Variants in ANKMY1 observed in about 807,000 individuals in gnomAD.
ANKMY1 encodes the protein ankyrin repeat and MYND domain-containing protein 1.
A neutral mutation model predicts 102.0 loss-of-function variants in ANKMY1; 98 were observed. The observed-to-expected ratio is 0.96, with a 90% CI of 0.82 to 1.14. ANKMY1 has a LOEUF of 1.14. Ranked by LOEUF, ANKMY1 falls within the 50% of genes most tolerant of loss-of-function variation. The pLI is 0.00. For missense variants in ANKMY1, 1,330 were observed against 1,347.6 expected, an observed-to-expected ratio of 0.99 and a Z score of 0.20; for synonymous variants, 582 against 559.9, an observed-to-expected ratio of 1.04 and a Z score of -0.56.
At chr2:240,496,397 T>C (rs1559249439) in intron 15 of ANKMY1, among the ~76,000 whole-genome samples, 1 of 151,058 alleles carries the variant, frequency 6.6e-6, no homozygotes, top group Admixed American at 6.6e-5. Context: ...GATAGATAGA[T>C]AGATAGATAG....
chr2:240,549,166 G>C (rs1194111755), intron 4 of ANKMY1, among the ~76,000 whole-genome samples: 1 of 151,564 alleles, frequency 6.6e-6, no homozygotes, highest in African/African-American at 2.4e-5. Context: ...CCAAAACAGA[G>C]ATATAGATCA....
chr2:240,553,108 G>A lies in ANKMY1; in HGVS notation c.337-51C>T, dbSNP rs374198874. Reference sequence around the variant, plus strand: ...AATTGCTGCTCTTCCAGAACCTGACGGGATGCCCTTGAGGCTGAGCCACCA... The same window carrying A: ...AATTGCTGCTCTTCCAGAACCTGACAGGATGCCCTTGAGGCTGAGCCACCA... On this transcript the variant is annotated intron_variant, in intron 3 of 17. Coordinates refer to ENST00000401804, the MANE Select transcript of ANKMY1 (RefSeq NM_001282771.3). The A allele has an allele frequency of 2.7e-5, 43 of 1,596,070 alleles. No individual in the cohort carries two copies. In the Middle Eastern group the frequency reaches 5.0e-4, roughly 19 times the overall value.
chr2:240,494,921 C>A (rs1174314569), intron 15 of ANKMY1, among the ~76,000 whole-genome samples: 1 of 151,966 alleles, frequency 6.6e-6, no homozygotes, highest in African/African-American at 2.4e-5. Context: ...ATACTAGATA[C>A]AGATCATAGA....
chr2:240,480,822 C>G (rs2075291981), intron 17 of ANKMY1, 115 bp downstream of exon 17: 1 of 1,399,528 alleles, frequency 7.1e-7, no homozygotes, highest in African/African-American at 1.4e-5. Flanking sequence ...GGGAAAGTGG[C>G]CTGAATCTGG....
intron 4 of ANKMY1, among the ~76,000 whole-genome samples, chr2:240,537,823 C>A (rs1293439783): frequency 6.6e-6 from 1 of 152,236 alleles, no homozygotes. Context: ...CCCACACCTG[C>A]GCCAATCGCT....
At chr2:240,469,727 T>C in the ANKMY1 span, among the ~76,000 whole-genome samples, 3 of 151,778 alleles carry the variant, frequency 2.0e-5, no homozygotes, top group African/African-American at 7.3e-5. Context: ...CAAGCACACA[T>C]ATCCATACAC....
intron 4 of ANKMY1, among the ~76,000 whole-genome samples, chr2:240,536,734 A>C (rs1398360439): frequency 3.3e-5 from 5 of 152,258 alleles, no homozygotes; most frequent in African/African-American, 1.2e-4. Context: ...AAAATATACA[A>C]GAAGTCTTAT....
At chr2:240,507,943 G>C (rs1475365183) in intron 12 of ANKMY1, 1 of 380,290 alleles carries the variant, frequency 2.6e-6, no homozygotes, top group Admixed American at 4.7e-5. Flanking sequence ...CACCCAGGTG[G>C]GCCAGTTCCA....
At chr2:240,479,694 G>A (rs752001003) in intron 17 of ANKMY1, 39 bp from the exon 18 acceptor site, 108 of 1,594,798 alleles carry the variant, frequency 6.8e-5, no homozygotes, top group Non-Finnish European at 7.3e-5. Context: ...GGAAGAGGGG[G>A]CTGGAGCTGG....
Position 240,500,432 on chromosome 2 carries a change from A to C in ANKMY1, c.2640+20T>G. On this transcript the variant is annotated intron_variant, in intron 14 of 17. Transcript: ENST00000401804. ...TGACCCACACTCCCCCTCCTTCCTC[A>C]TGGGAGGCTCACCACCTACCTGGAA... 1 of 1,607,950 alleles carries C rather than the reference A, an allele frequency of 6.2e-7. No individual in the cohort carries two copies. Among genetic ancestry groups the C allele is most frequent in the Non-Finnish European group, 8.5e-7 (1 of 1,175,466 alleles).
chr2:240,550,534 AG>A (rs1375606874), intron 4 of ANKMY1, among the ~76,000 whole-genome samples: 1 of 152,160 alleles, frequency 6.6e-6, no homozygotes, highest in Admixed American at 6.5e-5. Context: ...TTAAAAAAAA[AG>A]ATCTTACTCT....
At chr2:240,474,262 A>ATTTT in the ANKMY1 span, among the ~76,000 whole-genome samples, 247 of 90,980 alleles carry the variant, frequency 2.7e-3, 11 homozygotes, top group Non-Finnish European at 3.9e-3. Flanking sequence ...TGCCTGGCTA[A>ATTTT]TTTTTTTTTT....
chr2:240,494,017 G>A (rs1385556056), intron 15 of ANKMY1, among the ~76,000 whole-genome samples: 1 of 152,174 alleles, frequency 6.6e-6, no homozygotes, highest in African/African-American at 2.4e-5. Context: ...CTCCAGGCCT[G>A]CAAGTGGTGC....
At chr2:240,507,516 C>T in intron 13 of ANKMY1, 44 bp downstream of exon 13, 1 of 1,571,484 alleles carries the variant, frequency 6.4e-7, no homozygotes, top group East Asian at 2.3e-5. Context: ...CCCCACCACC[C>T]TCAAACCCCC....
At position 240,512,918 on chromosome 2, in the gene ANKMY1, T is replaced by A. The variant is rs144066120; in HGVS notation, c.2029A>T (p.Ile677Phe). ...PQLSTLTPLH[I>F]AAALPGEEGV... ...TCCTCCCCAGGAAGGGCGGCAGCGATGTGGAGTGGTGTCAGGGTGCTCAGC... is the reference window on the plus strand; with the variant it reads ...TCCTCCCCAGGAAGGGCGGCAGCGAAGTGGAGTGGTGTCAGGGTGCTCAGC... The change falls in exon 10 of 18, where the codon ATC (isoleucine) becomes TTC (phenylalanine). Residue 677 changes from isoleucine to phenylalanine, a missense_variant. Physicochemically the swap from Ile to Phe is conservative, Grantham distance 21 (BLOSUM62 0). Coordinates refer to ENST00000401804, the MANE Select transcript of ANKMY1 (RefSeq NM_001282771.3). 1.8e-4 allele frequency: 294 copies of A among 1,613,708 alleles called. 1 individual carries two copies. Among genetic ancestry groups the A allele is most frequent in the Admixed American group, 3.3e-4 (20 of 59,978 alleles).
Position 240,520,661 on chromosome 2 carries a change from A to G in ANKMY1, c.1833-128T>C, listed in dbSNP as rs1273335988. ...AGTATGTGTGTGCCGCAACTACACA[A>G]TCACACACACAGCACACACCCACAC... On this transcript the variant is annotated intron_variant, in intron 8 of 17. Transcript: ENST00000401804. This position sits in a 1 kb window ranked among gnomAD's most constrained non-coding sequence, Gnocchi z 4.8. The G allele has an allele frequency of 4.3e-6, 5 of 1,164,922 alleles. No homozygotes were observed. In the African/African-American group the frequency reaches 6.2e-5, roughly 14 times the overall value. 72.2% of individuals were successfully genotyped at this position (1,164,922 alleles called of 1,614,324 possible).
Position 240,511,848 on chromosome 2 carries a change from T to C in ANKMY1, c.2286+13A>G, listed in dbSNP as rs1456155757. On this transcript the variant is annotated intron_variant, in intron 11 of 17. Coordinates refer to ENST00000401804, the MANE Select transcript of ANKMY1 (RefSeq NM_001282771.3). The stretch of plus-strand genomic sequence containing the variant: ...GCAGCCCTGTGCCCCCGCCAGGCCC[T>C]GGCTGCCCTCACCTTGTTGTCATCC... 1 of 1,575,632 alleles carries C rather than the reference T, an allele frequency of 6.3e-7. No individual in the cohort carries two copies. The highest frequency in any genetic ancestry group is 8.5e-7 in the Non-Finnish European group (1 of 1,170,344).
chr2:240,493,231 G>A (rs2076851892), intron 15 of ANKMY1, among the ~76,000 whole-genome samples: 1 of 152,078 alleles, frequency 6.6e-6, no homozygotes, highest in Non-Finnish European at 1.5e-5. Flanking sequence ...GGAGGCTAAG[G>A]CAGGAGAATC....
At chr2:240,501,491 G>C (rs1356483663) in intron 13 of ANKMY1, among the ~76,000 whole-genome samples, 1 of 152,172 alleles carries the variant, frequency 6.6e-6, no homozygotes, top group African/African-American at 2.4e-5. Flanking sequence ...GGCAGCCTGT[G>C]TGAGTGGATG....
Sources: allele counts gnomAD v4.1 joint callset (sites outside exome capture counted in the v4.1 genomes callset), GRCh38; gene constraint gnomAD v4.1.1; non-coding constraint Gnocchi (gnomAD v3.1); transcripts MANE v1.5; gene names NCBI Gene and HGNC (gene_info 2026-07-23, HGNC 2026-07-21).